The following PTPRJ variants were observed in gnomAD, a reference collection of about 807,000 sequenced individuals.
PTPRJ encodes receptor-type tyrosine-protein phosphatase eta.
Under a neutral mutation model 141.3 loss-of-function variants are expected in PTPRJ, and 129 were observed. The ratio of observed to expected loss-of-function variants is 0.91; its 90% CI spans 0.79 to 1.06. PTPRJ has a LOEUF of 1.06. PTPRJ is among the 50% of genes least tolerant of loss of function. PTPRJ has a pLI of 0.00. For synonymous variants in PTPRJ, 610 were observed against 640.5 expected (o/e 0.95, Z 0.72); for missense variants, 1,601 against 1,679.7 (o/e 0.95, Z 0.82).
intron 1 of PTPRJ, among the ~76,000 whole-genome samples, chr11:47,992,483 T>G (rs1160540777): frequency 6.6e-6 from 1 of 152,220 alleles, no homozygotes; most frequent in Non-Finnish European, 1.5e-5. Context: ...ATAGGCCACT[T>G]TTAAGAATTA....
rs373520236 is a variant in PTPRJ, at chr11:48,137,173, G to A, written c.2044G>A (p.Ala682Thr). ...AGTCACGGACATTGGAATTACTGAC[G>A]CTACAGTCACTGAATTAATACCTGG... ...QVVTDIGITDATVTELIPGSS... is the reference protein window; with the variant it reads ...QVVTDIGITDTTVTELIPGSS... Residue 682 changes from alanine to threonine, a missense_variant, in exon 10 of 25, where the codon GCT becomes ACT. Coordinates refer to ENST00000418331, the MANE Select transcript of PTPRJ (RefSeq NM_002843.4). The A allele has an allele frequency of 2.5e-6, 4 of 1,612,762 alleles. No homozygotes were observed. Among genetic ancestry groups the A allele is most frequent in the African/African-American group, 1.3e-5 (1 of 74,882 alleles).
At chr11:48,116,309 AC>A (rs1270337565) in intron 3 of PTPRJ, among the ~76,000 whole-genome samples, 3 of 152,232 alleles carry the variant, frequency 2.0e-5, no homozygotes, top group Non-Finnish European at 4.4e-5. Context: ...TAAGTTCAAA[AC>A]TTTTAATGGA....
At chr11:48,003,089 A>G (rs1009671507) in intron 1 of PTPRJ, among the ~76,000 whole-genome samples, 5 of 152,200 alleles carry the variant, frequency 3.3e-5, no homozygotes, top group Non-Finnish European at 7.3e-5. Context: ...AGGTCCTTTA[A>G]TGCTGAAAGG....
chr11:48,147,085 A>G (rs569655095), intron 15 of PTPRJ, 122 bp downstream of exon 15: 7 of 859,446 alleles, frequency 8.1e-6, no homozygotes, highest in South Asian at 4.4e-5. Context: ...CCCTTCACCC[A>G]TAGTGTTCTG....
intron 8 of PTPRJ, among the ~76,000 whole-genome samples, chr11:48,134,678 G>A (rs1253417370): frequency 1.3e-5 from 2 of 152,222 alleles, no homozygotes; most frequent in South Asian, 2.1e-4. Flanking sequence ...GGTGACGTTT[G>A]TTGCCAGGTA....
At chr11:48,084,592 GTGATACAGCTGAGCCCTGATTGGT>G (rs913991283) in intron 1 of PTPRJ, among the ~76,000 whole-genome samples, 3 of 152,188 alleles carry the variant, frequency 2.0e-5, no homozygotes, top group African/African-American at 7.2e-5. Flanking sequence ...GTTCTGATTG[GTGATACAGCTGAGCCCTGATTGGT>G]TGATACAGCT....
chr11:48,138,669 AG>A (rs1477331791), intron 10 of PTPRJ, among the ~76,000 whole-genome samples: 1 of 152,228 alleles, frequency 6.6e-6, no homozygotes, highest in Non-Finnish European at 1.5e-5. Flanking sequence ...TGGATGATGC[AG>A]TATGTTATGT....
rs982926152 is a variant in PTPRJ at position 48,170,457 on chromosome 11, T to C, written c.*3095T>C. 1.3e-5 allele frequency: 2 copies of C among 152,214 alleles called. No homozygotes were observed. The highest frequency in any genetic ancestry group is 2.9e-5 in the Non-Finnish European group (2 of 68,058). The allele number at this position is 152,214 out of a possible 1,614,324, so 9.4% of individuals were successfully genotyped here. ...GGGGTCAGCTATGCAGCCCATCACG[T>C]GTGTTTTTCATCTGGGATGAAAAAG... On this transcript the variant is annotated 3_prime_UTR_variant, in exon 25 of 25. Transcript: ENST00000418331.
intron 1 of PTPRJ, among the ~76,000 whole-genome samples, chr11:48,057,163 G>GC (rs1854777629): frequency 6.6e-6 from 1 of 152,128 alleles, no homozygotes; most frequent in Non-Finnish European, 1.5e-5. Context: ...GATACAGACC[G>GC]CCCCCCATTG....
chr11:48,032,078 C>T (rs1853999490), intron 1 of PTPRJ, among the ~76,000 whole-genome samples: 1 of 152,212 alleles, frequency 6.6e-6, no homozygotes, highest in African/African-American at 2.4e-5. Flanking sequence ...TGTCCAGGCT[C>T]AGTGAGTGAC....
intron 1 of PTPRJ, among the ~76,000 whole-genome samples, chr11:48,044,081 C>T (rs1854332908): frequency 6.6e-6 from 1 of 152,222 alleles, no homozygotes; most frequent in Non-Finnish European, 1.5e-5. Flanking sequence ...ATTTTTCCTC[C>T]TGCAGGAGGG....
intron 11 of PTPRJ, among the ~76,000 whole-genome samples, chr11:48,141,191 A>T (rs1176098404): frequency 1.3e-5 from 2 of 152,112 alleles, no homozygotes; most frequent in Non-Finnish European, 2.9e-5. Context: ...TTAAAAATAT[A>T]TAAAAAAAAT....
At chr11:48,141,750 C>A (rs1008781869) in intron 11 of PTPRJ, among the ~76,000 whole-genome samples, 2 of 152,134 alleles carry the variant, frequency 1.3e-5, no homozygotes, top group African/African-American at 4.8e-5. Context: ...GGGGAGAGGA[C>A]AAGGGCAGGT....
At chr11:48,107,649 G>A (rs1856328904) in intron 1 of PTPRJ, among the ~76,000 whole-genome samples, 1 of 152,236 alleles carries the variant, frequency 6.6e-6, no homozygotes, top group South Asian at 2.1e-4. Flanking sequence ...TTGCTGTGAA[G>A]ATGTAAGGGA....
chr11:48,070,033 A>G (rs1855202422), intron 1 of PTPRJ, among the ~76,000 whole-genome samples: 1 of 152,238 alleles, frequency 6.6e-6, no homozygotes, highest in African/African-American at 2.4e-5. Flanking sequence ...TTTATCTGCC[A>G]CATTGAGAAA....
At chr11:48,116,115 A>G (rs1002378436) in intron 3 of PTPRJ, among the ~76,000 whole-genome samples, 3 of 151,340 alleles carry the variant, frequency 2.0e-5, no homozygotes, top group Non-Finnish European at 3.0e-5. Flanking sequence ...ATCAAAAGAC[A>G]TAGAGTGCGT....
At chr11:48,112,423 A>G (rs568915029) in intron 2 of PTPRJ, among the ~76,000 whole-genome samples, 1 of 152,328 alleles carries the variant, frequency 6.6e-6, no homozygotes, top group African/African-American at 2.4e-5. Context: ...AATTCAAGAT[A>G]AAGCAGCCAG....
chr11:48,099,777 A>T (rs1379390004), intron 1 of PTPRJ, among the ~76,000 whole-genome samples: 2 of 152,096 alleles, frequency 1.3e-5, no homozygotes, highest in Non-Finnish European at 2.9e-5. Flanking sequence ...GGATGACTGG[A>T]TGGGTTTGCC....
intron 21 of PTPRJ, among the ~76,000 whole-genome samples, chr11:48,159,125 GTGTGTGT>G (rs1857696325): frequency 4.4e-5 from 6 of 136,644 alleles, no homozygotes; most frequent in Admixed American, 2.9e-4. Flanking sequence ...TATGTGGGGT[GTGTGTGT>G]GTGTGTGTGT....
Sources: gnomAD v4.1 joint callset for allele counts (sites outside exome capture counted in the v4.1 genomes callset) on GRCh38, gnomAD v4.1.1 for gene constraint, MANE v1.5 for transcripts, NCBI Gene and HGNC (gene_info 2026-07-23, HGNC 2026-07-21) for gene names.